The following NCOA3 variants were observed in gnomAD, a reference collection of about 807,000 sequenced individuals.
NCOA3 encodes nuclear receptor coactivator 3.
NCOA3 carries 51 observed loss-of-function variants against 158.8 expected under a neutral mutation model. The observed-to-expected ratio is 0.32, with a 90% CI of 0.26 to 0.41. The LOEUF (loss-of-function observed/expected upper bound fraction) is 0.41, where lower values mean the gene tolerates loss of function less well. NCOA3 is among the 10% of genes least tolerant of loss of function. The pLI is 1.00. For missense variants in NCOA3, 1,510 were observed against 1,746.6 expected (o/e 0.86, Z 2.41); for synonymous variants, 537 against 592.4 (o/e 0.91, Z 1.36).
chr20:47,572,475 G>C (rs1157795426), intron 1 of NCOA3, among the ~76,000 whole-genome samples: 2 of 151,812 alleles, frequency 1.3e-5, no homozygotes, highest in Non-Finnish European at 2.9e-5. Flanking sequence ...AAGAGTCCTA[G>C]CTTTCAGCCT....
At chr20:47,532,110 T>TTGTGTGTGTGTGTGTG (rs11474538) in intron 1 of NCOA3, among the ~76,000 whole-genome samples, 11,924 of 147,402 alleles carry the variant, frequency 0.081, 502 homozygotes, top group Middle Eastern at 0.11. Context: ...AGGGGGGGAC[T>TTGTGTGTGTGTGTGTG]TGTGTGTGTG....
At chr20:47,593,597 C>T (rs1225775093) in intron 2 of NCOA3, among the ~76,000 whole-genome samples, 2 of 152,010 alleles carry the variant, frequency 1.3e-5, no homozygotes, top group African/African-American at 2.4e-5. Context: ...CCTGCCTCGG[C>T]CTCCCAAAGC....
At chr20:47,505,176 G>A (rs1014525401) in intron 1 of NCOA3, among the ~76,000 whole-genome samples, 1 of 146,992 alleles carries the variant, frequency 6.8e-6, no homozygotes, top group Non-Finnish European at 1.5e-5. Context: ...ATTCTCCTGT[G>A]TCAGCCTCCC....
intron 2 of NCOA3, among the ~76,000 whole-genome samples, chr20:47,591,298 A>G (rs752143208): frequency 1.8e-4 from 27 of 152,222 alleles, no homozygotes; most frequent in Non-Finnish European, 3.5e-4. Context: ...GGCCTTTAGT[A>G]TAGTTTTAAA....
Position 47,530,884 on chromosome 20 carries a change from T to C in NCOA3, c.-99+28865T>C, listed in dbSNP as rs144133084. The stretch of plus-strand genomic sequence containing the variant: ...AATTTAAAGGCAAACAAGGTGTTAT[T>C]ATCCAACTTTTCTAATGATGTAAGT... On this transcript the variant is annotated intron_variant, in intron 1 of 22. Coordinates refer to ENST00000371998, the MANE Select transcript of NCOA3 (RefSeq NM_181659.3). Among the ~76,000 whole-genome samples, 229 of 152,334 alleles carry C rather than the reference T, an allele frequency of 1.5e-3. 2 individuals are homozygous for C. Among genetic ancestry groups the C allele is most frequent in the African/African-American group, 5.2e-3 (215 of 41,574 alleles).
chr20:47,508,380 C>T (rs1019585076), intron 1 of NCOA3, among the ~76,000 whole-genome samples: 5 of 152,152 alleles, frequency 3.3e-5, no homozygotes, highest in African/African-American at 1.2e-4. Flanking sequence ...AATTTCAAAG[C>T]AACCCAAGCA....
rs993750783 is a variant in NCOA3, at chr20:47,615,779, A to G, written c.-19-6450A>G. On this transcript the variant is annotated intron_variant, in intron 2 of 22. Transcript: ENST00000371998. ...GTTCATTTTAAATCTTATCATGGAT[A>G]TACTTTGGACTTTTCCATATAATAT... Among the ~76,000 whole-genome samples the G allele has an allele frequency of 1.7e-4, 26 of 152,238 alleles. 1 individual carries two copies. Among genetic ancestry groups the G allele is most frequent in the African/African-American group, 6.3e-4 (26 of 41,462 alleles).
chr20:47,508,336 A>C (rs890388753), intron 1 of NCOA3, among the ~76,000 whole-genome samples: 1 of 152,204 alleles, frequency 6.6e-6, no homozygotes, highest in Non-Finnish European at 1.5e-5. Context: ...TTTTAAATAG[A>C]TGTTCCATGA....
In NCOA3 at chr20:47,525,605, G is replaced by A. The variant is rs541842629; in HGVS notation, c.-99+23586G>A. Among the ~76,000 whole-genome samples the A allele has an allele frequency of 4.6e-3, 650 of 140,238 alleles. 26 individuals are homozygous for A. Among genetic ancestry groups the A allele is most frequent in the African/African-American group, 0.017 (608 of 34,918 alleles). The allele number at this position is 140,238 out of a possible 152,430, so 92.0% of individuals were successfully genotyped here. ...CCTCCTGGACGGGGCGGCTGGCCGG[G>A]CGGGGGGCTGACCCCCCCACCTCCC... On this transcript the variant is annotated intron_variant, in intron 1 of 22. Coordinates refer to ENST00000371998, the MANE Select transcript of NCOA3 (RefSeq NM_181659.3).
At chr20:47,623,332 G>A (rs557024558) in intron 3 of NCOA3, among the ~76,000 whole-genome samples, 2 of 152,230 alleles carry the variant, frequency 1.3e-5, no homozygotes, top group Admixed American at 6.5e-5. Flanking sequence ...TGATTTATTC[G>A]TATTTTCTAG....
intron 17 of NCOA3, among the ~76,000 whole-genome samples, chr20:47,645,019 T>G (rs2086666542): frequency 6.6e-6 from 1 of 152,072 alleles, no homozygotes; most frequent in African/African-American, 2.4e-5. Context: ...TTTCCACATG[T>G]AGAGTTGTTT....
intron 2 of NCOA3, among the ~76,000 whole-genome samples, chr20:47,608,449 G>C (rs2085985554): frequency 6.6e-6 from 1 of 151,940 alleles, no homozygotes; most frequent in Admixed American, 6.6e-5. Context: ...ACCAGCCTGG[G>C]AAACATAGCA....
At chr20:47,640,123 A>C (rs2086579989) in intron 16 of NCOA3, 72 bp downstream of exon 16, 1 of 1,589,486 alleles carries the variant, frequency 6.3e-7, no homozygotes, top group Non-Finnish European at 8.6e-7. Flanking sequence ...GGAGCACAGA[A>C]GCAAACGTGA....
intron 1 of NCOA3, among the ~76,000 whole-genome samples, chr20:47,545,064 A>G (rs1045803596): frequency 1.3e-5 from 2 of 150,404 alleles, no homozygotes; most frequent in Non-Finnish European, 2.9e-5. Flanking sequence ...ATGTCATTCC[A>G]CTGTCTTCTG....
At chr20:47,583,112 G>A (rs145203570) in intron 1 of NCOA3, 71 bp from the exon 2 acceptor site, 593 of 398,050 alleles carry the variant, frequency 1.5e-3, no homozygotes, top group Non-Finnish European at 1.9e-3. Flanking sequence ...TAATTTGTGG[G>A]TGACTAATCA....
chr20:47,513,999 A>G (rs898095273), intron 1 of NCOA3, among the ~76,000 whole-genome samples: 1 of 152,190 alleles, frequency 6.6e-6, no homozygotes, highest in African/African-American at 2.4e-5. Flanking sequence ...AGACTAGGGT[A>G]ACAATGGTTC....
At position 47,641,490 on chromosome 20, in the gene NCOA3, CTTTTTTT is replaced by C. The variant is rs71183270; in HGVS notation, c.3081-701_3081-695del. Among the ~76,000 whole-genome samples the C allele has an allele frequency of 7.3e-3, 355 of 48,372 alleles. 3 individuals are homozygous for C. The highest frequency in any genetic ancestry group is 0.038 in the African/African-American group (321 of 8,412). 31.7% of individuals were successfully genotyped at this position (48,372 alleles called of 152,430 possible). ...GTCAGCCACCACGCCTGGCTCCCTT[CTTTTTTT>C]TTTTTTTTTTTTTTTTTTTTTGAGA... is the stretch of plus-strand genomic sequence containing the variant. On this transcript the variant is annotated intron_variant, in intron 16 of 22. Transcript: ENST00000371998.
At chr20:47,608,527 T>A (rs1602478939) in intron 2 of NCOA3, among the ~76,000 whole-genome samples, 1 of 150,314 alleles carries the variant, frequency 6.7e-6, no homozygotes, top group Non-Finnish European at 1.5e-5. Flanking sequence ...TGGTTCCAGC[T>A]ACTCGGGAGG....
chr20:47,625,502 T>C, intron 5 of NCOA3, 21 bp downstream of exon 5: 1 of 1,489,100 alleles, frequency 6.7e-7, no homozygotes, highest in East Asian at 2.3e-5. Context: ...AGATTTTAAC[T>C]GTCCAGTAGG....
Sources: allele counts gnomAD v4.1 joint callset (sites outside exome capture counted in the v4.1 genomes callset), GRCh38; gene constraint gnomAD v4.1.1; transcripts MANE v1.5; gene names NCBI Gene and HGNC (gene_info 2026-07-23, HGNC 2026-07-21).